Variants in ABHD2 observed in about 807,000 individuals in gnomAD.
ABHD2 encodes the protein abhydrolase domain containing 2, acylglycerol lipase, also known as monoacylglycerol lipase ABHD2.
Under a neutral mutation model 48.1 loss-of-function variants are expected in ABHD2, and 20 were observed. The ratio of observed to expected loss-of-function variants is 0.42; its 90% CI spans 0.29 to 0.60. The LOEUF (loss-of-function observed/expected upper bound fraction) is 0.60, where lower values mean the gene tolerates loss of function less well. Ranked by LOEUF, ABHD2 falls within the 20% of genes least tolerant of loss-of-function variation. The probability of loss-of-function intolerance (pLI) is 0.24; values close to 1 mark genes in which losing one functional copy is unlikely to be tolerated. For synonymous variants in ABHD2, 209 were observed against 214.2 expected, an observed-to-expected ratio of 0.98 and a Z score of 0.21; for missense variants, 405 against 550.9, an observed-to-expected ratio of 0.74 and a Z score of 2.65.
intron 3 of ABHD2, among the ~76,000 whole-genome samples, chr15:89,149,214 A>AACACACACACACAC (rs35689320): frequency 7.4e-5 from 11 of 148,332 alleles, no homozygotes; most frequent in African/African-American, 2.7e-4. Flanking sequence ...ATTGATCCCT[A>AACACACACACACAC]ACACACACAC....
the ABHD2 span, among the ~76,000 whole-genome samples, chr15:89,042,241 C>A: frequency 1.3e-5 from 2 of 152,182 alleles, no homozygotes; most frequent in Admixed American, 6.5e-5. Context: ...CCCTGGCAGC[C>A]TGGATCCAGA....
chr15:89,093,241 C>T (rs889590962), intron 1 of ABHD2, among the ~76,000 whole-genome samples: 2 of 137,136 alleles, frequency 1.5e-5, no homozygotes, highest in Non-Finnish European at 3.0e-5. Flanking sequence ...AGTGCAGTGG[C>T]GCAATCTTGG....
the ABHD2 span, among the ~76,000 whole-genome samples, chr15:89,041,932 A>C: frequency 0.016 from 2,370 of 152,242 alleles, 57 homozygotes; most frequent in African/African-American, 0.053. Flanking sequence ...ACATCAGGGC[A>C]GGAGGGCCTG....
the ABHD2 span, among the ~76,000 whole-genome samples, chr15:89,072,882 A>T: frequency 1.5e-3 from 227 of 152,328 alleles, no homozygotes; most frequent in Middle Eastern, 6.8e-3. Context: ...CAGATAAACA[A>T]TACATAATTT....
At position 89,146,328 on chromosome 15, in the gene ABHD2, T is replaced by C. The variant is rs913085384; in HGVS notation, c.195-5349T>C. Among the ~76,000 whole-genome samples, 1 of 151,200 alleles carries C rather than the reference T, an allele frequency of 6.6e-6. No homozygotes were observed. The highest frequency in any genetic ancestry group is 2.4e-5 in the African/African-American group (1 of 41,058). On this transcript the variant is annotated intron_variant, in intron 3 of 10. Transcript: ENST00000352732. The surrounding 1 kb of genome is among the most constrained non-coding windows in gnomAD (Gnocchi z 4.2). Reference sequence around the variant, plus strand: ...TTAAAACACCAGCTGTCCGTGCCTATGTGAGCTTCATCTGCTCAAAGACGT... The same window carrying C: ...TTAAAACACCAGCTGTCCGTGCCTACGTGAGCTTCATCTGCTCAAAGACGT...
intron 5 of ABHD2, among the ~76,000 whole-genome samples, chr15:89,159,903 T>A (rs1019241586): frequency 2.0e-5 from 3 of 152,216 alleles, no homozygotes; most frequent in African/African-American, 7.2e-5. Flanking sequence ...AGCCATACTA[T>A]TTGTTTTTTT....
At chr15:89,105,726 A>C (rs1279117269) in intron 1 of ABHD2, among the ~76,000 whole-genome samples, 1 of 152,266 alleles carries the variant, frequency 6.6e-6, no homozygotes, top group Non-Finnish European at 1.5e-5. Flanking sequence ...CTTTCAGGGC[A>C]GTCCCTGGCT....
At chr15:89,109,518 C>T (rs1008807095) in intron 1 of ABHD2, among the ~76,000 whole-genome samples, 1 of 151,860 alleles carries the variant, frequency 6.6e-6, no homozygotes, top group African/African-American at 2.4e-5. Flanking sequence ...CCCAGCCCTC[C>T]AGCTGTTCTC....
At chr15:89,095,063 C>CA (rs72090062) in intron 1 of ABHD2, among the ~76,000 whole-genome samples, 7,173 of 52,606 alleles carry the variant, frequency 0.14, 1,090 homozygotes, top group African/African-American at 0.38. Flanking sequence ...GACTGTGTCT[C>CA]AAAAAAAAAA....
the ABHD2 span, among the ~76,000 whole-genome samples, chr15:89,051,833 T>A: frequency 2.0e-5 from 3 of 152,106 alleles, no homozygotes; most frequent in African/African-American, 7.2e-5. Context: ...CAGTCTCAGG[T>A]GTGTCTTTAT....
intron 3 of ABHD2, among the ~76,000 whole-genome samples, chr15:89,148,118 C>CA (rs10711138): frequency 0.037 from 2,571 of 68,972 alleles, 79 homozygotes; most frequent in Non-Finnish European, 0.046. Flanking sequence ...GACTCCGTCT[C>CA]AAAAAAAAAA....
At chr15:89,072,948 A>G in the ABHD2 span, among the ~76,000 whole-genome samples, 1 of 151,870 alleles carries the variant, frequency 6.6e-6, no homozygotes, top group African/African-American at 2.4e-5. Flanking sequence ...ATTTTTAACT[A>G]GTAAGTTTGC....
the ABHD2 span, among the ~76,000 whole-genome samples, chr15:89,044,523 G>C: frequency 3.2e-4 from 48 of 151,990 alleles, no homozygotes; most frequent in Non-Finnish European, 5.4e-4. Flanking sequence ...CCCACCAACA[G>C]TGTAAAAGTG....
At chr15:89,063,260 G>A in the ABHD2 span, among the ~76,000 whole-genome samples, 1 of 151,998 alleles carries the variant, frequency 6.6e-6, no homozygotes, top group Non-Finnish European at 1.5e-5. Context: ...GAGCCACTAC[G>A]CCCGGCCAAA....
chr15:89,183,384 AATATATATATATATATAT>A (rs1555433648), intron 6 of ABHD2: 1 of 46,268 alleles, frequency 2.2e-5, no homozygotes, highest in Non-Finnish European at 4.2e-5. Flanking sequence ...AAAAAAAAAA[AATATATATATATATATAT>A]ATATATATAT....
intron 2 of ABHD2, among the ~76,000 whole-genome samples, chr15:89,115,641 A>G (rs376230441): frequency 3.3e-5 from 5 of 152,250 alleles, no homozygotes; most frequent in Middle Eastern, 3.4e-3. Flanking sequence ...GCCGAGCTCT[A>G]TTTCATTCCT....
chr15:89,150,087 C>A (rs1279633155), intron 3 of ABHD2, among the ~76,000 whole-genome samples: 4 of 152,156 alleles, frequency 2.6e-5, no homozygotes, highest in Non-Finnish European at 1.5e-5. Flanking sequence ...TTACTTCATT[C>A]TTTTGTTCTA....
At chr15:89,081,906 T>C in the ABHD2 span, among the ~76,000 whole-genome samples, 1 of 152,240 alleles carries the variant, frequency 6.6e-6, no homozygotes, top group Non-Finnish European at 1.5e-5. Flanking sequence ...GATTTTAATG[T>C]AATTAGAATA....
chr15:89,170,652 C>T (rs11073845), intron 5 of ABHD2, among the ~76,000 whole-genome samples: 82,455 of 152,012 alleles, frequency 0.54, 22,977 homozygotes, highest in East Asian at 0.82. Context: ...TGTGTACTCC[C>T]TCAACAGTGG....
Sources: allele counts gnomAD v4.1 joint callset (sites outside exome capture counted in the v4.1 genomes callset), GRCh38; gene constraint gnomAD v4.1.1; non-coding constraint Gnocchi (gnomAD v3.1); transcripts MANE v1.5; gene names NCBI Gene and HGNC (gene_info 2026-07-23, HGNC 2026-07-21).